The following FBXL13 variants were observed in gnomAD, a reference collection of about 807,000 sequenced individuals.
FBXL13 encodes the protein F-box and leucine-rich repeat protein 13.
In FBXL13, 67 loss-of-function variants were observed where a neutral mutation model predicts 83.6. That is an observed-to-expected ratio of 0.80 (90% CI 0.66 to 0.98). The LOEUF (loss-of-function observed/expected upper bound fraction) is 0.98. Ranked by LOEUF, FBXL13 falls within the 50% of genes least tolerant of loss-of-function variation. The pLI is 0.00. For missense variants in FBXL13, 822 were observed against 866.5 expected (o/e 0.95, Z 0.64); for synonymous variants, 272 against 299.5 (o/e 0.91, Z 0.95).
chr7:102,877,591 C>G (rs745968763), exon 16 of FBXL13: 1 of 1,604,328 alleles, frequency 6.2e-7, no homozygotes, highest in African/African-American at 1.3e-5. Context: ...TAAATTAGGG[C>G]AGCTAAAAGA....
chr7:102,885,983 T>A (rs1196649900), intron 11 of FBXL13, among the ~76,000 whole-genome samples: 2 of 152,230 alleles, frequency 1.3e-5, no homozygotes, highest in Non-Finnish European at 2.9e-5. Flanking sequence ...GTTCTATATG[T>A]CTATCCTTAT....
chr7:103,047,490 C>T (rs1272260640), intron 2 of FBXL13, among the ~76,000 whole-genome samples: 1 of 152,134 alleles, frequency 6.6e-6, no homozygotes, highest in Non-Finnish European at 1.5e-5. Flanking sequence ...TATATCTAAT[C>T]AATTTCACTA....
At position 103,038,323 on chromosome 7, in the gene FBXL13, C is replaced by T. The variant is rs369191808; in HGVS notation, c.1-8905G>A. ...AAGAGGCCAGGAAGCACAAACTGGGCGGAGCCCACCACAGCTCAGCAAGGC... is the reference window on the plus strand; with the variant it reads ...AAGAGGCCAGGAAGCACAAACTGGGTGGAGCCCACCACAGCTCAGCAAGGC... On this transcript the variant is annotated intron_variant, in intron 2 of 19. Transcript: ENST00000313221. Among the ~76,000 whole-genome samples, 7 of 152,278 alleles carry T rather than the reference C, an allele frequency of 4.6e-5. No individual in the cohort carries two copies. The South Asian group carries it at 1.0e-3, about 23-fold the overall frequency.
chr7:102,889,777 C>T (rs990610882), intron 11 of FBXL13, among the ~76,000 whole-genome samples: 2 of 152,110 alleles, frequency 1.3e-5, no homozygotes, highest in Non-Finnish European at 2.9e-5. Context: ...TTCTAAATTC[C>T]CCCCATTCCA....
chr7:103,063,125 T>A (rs1798076986), intron 1 of FBXL13, among the ~76,000 whole-genome samples: 1 of 152,232 alleles, frequency 6.6e-6, no homozygotes, highest in Non-Finnish European at 1.5e-5. Context: ...AAGGATTACA[T>A]GGGCAAGAAT....
rs564106017 is a variant in FBXL13 at position 102,825,668 on chromosome 7, A to G, written c.1855-3465T>C. ...CCATCTATAATGCTATCTACAATATAAGGACCAGTTTCACTGACCCCCTGC... is the reference window on the plus strand; with the variant it reads ...CCATCTATAATGCTATCTACAATATGAGGACCAGTTTCACTGACCCCCTGC... On this transcript the variant is annotated intron_variant, in intron 18 of 19. Transcript: ENST00000313221. Among the ~76,000 whole-genome samples the G allele has an allele frequency of 4.6e-5, 7 of 152,350 alleles. No individual in the cohort carries two copies. The South Asian group carries it at 1.2e-3, about 27-fold the overall frequency.
intron 4 of FBXL13, 91 bp downstream of exon 5, chr7:103,028,509 C>G: frequency 2.3e-6 from 2 of 868,560 alleles, no homozygotes; most frequent in Non-Finnish European, 3.2e-6. Flanking sequence ...ATGATAGGTT[C>G]TCTAAGTACC....
At chr7:103,005,654 G>C (rs1790912249) in intron 6 of FBXL13, among the ~76,000 whole-genome samples, 1 of 152,080 alleles carries the variant, frequency 6.6e-6, no homozygotes, top group East Asian at 1.9e-4. Flanking sequence ...AGAGAGCTCT[G>C]GTGTTTCTTT....
intron 15 of FBXL13, among the ~76,000 whole-genome samples, chr7:102,877,796 C>T (rs1402545663): frequency 6.6e-6 from 1 of 152,116 alleles, no homozygotes; most frequent in Non-Finnish European, 1.5e-5. Flanking sequence ...ATATGACTTT[C>T]TTTCTGTAAT....
At chr7:102,985,342 C>G (rs978667978) in intron 6 of FBXL13, among the ~76,000 whole-genome samples, 2 of 152,206 alleles carry the variant, frequency 1.3e-5, no homozygotes, top group Non-Finnish European at 2.9e-5. Context: ...CCCACACCAC[C>G]CTGGTGGCTA....
chr7:102,903,593 A>G (rs1044608515), intron 11 of FBXL13, among the ~76,000 whole-genome samples: 2 of 152,116 alleles, frequency 1.3e-5, no homozygotes, highest in African/African-American at 4.8e-5. Context: ...TGTTTCTTCT[A>G]TCCCTAGTTT....
rs553530059 is a variant in FBXL13, at chr7:102,973,227, C to T, written c.496-5110G>A. ...TTTGTTTTTGAAAGATTCTCCCCAACGCCCGAAAGCTTGAAGGAATGAGTA... is the reference window on the plus strand; with the variant it reads ...TTTGTTTTTGAAAGATTCTCCCCAATGCCCGAAAGCTTGAAGGAATGAGTA... On this transcript the variant is annotated intron_variant, in intron 6 of 19. Transcript: ENST00000313221. The T allele has an allele frequency of 3.1e-5, 8 of 256,240 alleles. No individual in the cohort carries two copies. In the East Asian group the frequency reaches 4.7e-4, roughly 15 times the overall value. The allele number at this position is 256,240 out of a possible 1,614,324, so 15.9% of individuals were successfully genotyped here.
At chr7:102,822,943 T>A (rs944794212) in intron 18 of FBXL13, among the ~76,000 whole-genome samples, 2 of 152,112 alleles carry the variant, frequency 1.3e-5, no homozygotes, top group Non-Finnish European at 2.9e-5. Flanking sequence ...GTGCCTGTAG[T>A]CCCAGCTACT....
chr7:103,062,978 C>G (rs1179433608), intron 1 of FBXL13, among the ~76,000 whole-genome samples: 2 of 152,156 alleles, frequency 1.3e-5, no homozygotes, highest in Non-Finnish European at 2.9e-5. Context: ...TGCTGTTCCC[C>G]AGGAGAAAAG....
At chr7:102,901,811 CAT>C (rs971996746) in intron 11 of FBXL13, among the ~76,000 whole-genome samples, 2 of 152,280 alleles carry the variant, frequency 1.3e-5, no homozygotes, top group Admixed American at 6.5e-5. Flanking sequence ...ATATGTACCA[CAT>C]TTTCTTTTTC....
intron 6 of FBXL13, chr7:102,973,043 T>A (rs2411061): frequency 0.17 from 26,363 of 157,548 alleles, 2,301 homozygotes; most frequent in Middle Eastern, 0.21. Context: ...CACATAATTA[T>A]CATTTTTGTG....
At chr7:102,933,959 G>A in intron 8 of FBXL13, 1 of 1,613,554 alleles carries the variant, frequency 6.2e-7, no homozygotes, top group Non-Finnish European at 8.5e-7. Flanking sequence ...TTGCAAAGCG[G>A]CTGAGCTGCG....
intron 6 of FBXL13, among the ~76,000 whole-genome samples, chr7:102,987,703 T>C (rs1829133350): frequency 6.6e-6 from 1 of 152,208 alleles, no homozygotes; most frequent in South Asian, 2.1e-4. Flanking sequence ...TAATCACTAA[T>C]GGGACGTGGA....
intron 1 of FBXL13, among the ~76,000 whole-genome samples, chr7:103,071,780 G>A (rs1306747875): frequency 6.6e-6 from 1 of 152,096 alleles, no homozygotes; most frequent in Non-Finnish European, 1.5e-5. Context: ...TTTAGGACAG[G>A]TAGATGAAAT....
Sources: gnomAD v4.1 joint callset for allele counts (sites outside exome capture counted in the v4.1 genomes callset) on GRCh38, gnomAD v4.1.1 for gene constraint, MANE v1.5 for transcripts, NCBI Gene and HGNC (gene_info 2026-07-23, HGNC 2026-07-21) for gene names.